Variants in GRIK1 observed in about 807,000 individuals in gnomAD.
GRIK1 encodes the protein glutamate receptor ionotropic, kainate 1.
In GRIK1, 69 loss-of-function variants were observed where a neutral mutation model predicts 105.7. The ratio of observed to expected loss-of-function variants is 0.65; its 90% confidence interval spans 0.54 to 0.80. The LOEUF is 0.80. Ranked by LOEUF, GRIK1 falls within the 30% of genes least tolerant of loss-of-function variation. The probability of loss-of-function intolerance (pLI) is 0.00; values close to 1 mark genes in which losing one functional copy is unlikely to be tolerated. For missense variants in GRIK1, 1,109 were observed against 1,167.3 expected, an observed-to-expected ratio of 0.95 and a Z score of 0.73; for synonymous variants, 438 against 431.3, an observed-to-expected ratio of 1.02 and a Z score of -0.19.
intron 3 of GRIK1, among the ~76,000 whole-genome samples, chr21:29,680,268 C>A (rs2063345529): frequency 1.3e-5 from 2 of 152,174 alleles, no homozygotes; most frequent in Non-Finnish European, 2.9e-5. Context: ...AATGTCACCA[C>A]ACAAATGGAG....
At chr21:29,611,722 TGAG>T (rs758006876) in intron 7 of GRIK1, among the ~76,000 whole-genome samples, 1 of 152,194 alleles carries the variant, frequency 6.6e-6, no homozygotes, top group Non-Finnish European at 1.5e-5. Context: ...TTTCCATCAA[TGAG>T]ATGATGTGAA....
At chr21:29,801,006 A>G (rs1345502455) in intron 1 of GRIK1, among the ~76,000 whole-genome samples, 2 of 152,152 alleles carry the variant, frequency 1.3e-5, no homozygotes, top group Non-Finnish European at 2.9e-5. Context: ...TGAAAATAAT[A>G]TTACAAGAGA....
intron 1 of GRIK1, among the ~76,000 whole-genome samples, chr21:29,814,126 T>G (rs908881422): frequency 1.3e-5 from 2 of 148,890 alleles, no homozygotes; most frequent in Admixed American, 1.3e-4. Context: ...TATTATTTTT[T>G]TTTTTGCTGA....
At chr21:29,697,062 T>C (rs1160621140) in intron 1 of GRIK1, among the ~76,000 whole-genome samples, 1 of 152,208 alleles carries the variant, frequency 6.6e-6, no homozygotes, top group Non-Finnish European at 1.5e-5. Flanking sequence ...TTATTCAAAA[T>C]CACAGTCTTG....
At chr21:29,598,736 A>C (rs2061462223) in intron 8 of GRIK1, 94 bp downstream of exon 8, 2 of 588,470 alleles carry the variant, frequency 3.4e-6, no homozygotes, top group Non-Finnish European at 3.0e-6. Context: ...TTAGAGAATC[A>C]CTTCATCATT....
chr21:29,836,869 AAAG>A (rs1195423532), intron 1 of GRIK1, among the ~76,000 whole-genome samples: 3 of 152,180 alleles, frequency 2.0e-5, no homozygotes, highest in African/African-American at 7.2e-5. Flanking sequence ...GGCTGAGAGG[AAAG>A]AAGAAGCCAC....
At chr21:29,778,410 G>T (rs910697890) in intron 1 of GRIK1, among the ~76,000 whole-genome samples, 1 of 152,158 alleles carries the variant, frequency 6.6e-6, no homozygotes, top group African/African-American at 2.4e-5. Context: ...AGATTCTAGC[G>T]CAGTTCCTTG....
chr21:29,937,434 T>C (rs2832495), intron 1 of GRIK1, among the ~76,000 whole-genome samples: 104,435 of 152,114 alleles, frequency 0.69, 36,044 homozygotes, highest in East Asian at 0.83. Context: ...ATTATCTTGT[T>C]GCATATATTT....
At chr21:29,864,125 G>A (rs1246777384) in intron 1 of GRIK1, among the ~76,000 whole-genome samples, 4 of 151,542 alleles carry the variant, frequency 2.6e-5, no homozygotes, top group African/African-American at 9.7e-5. Context: ...AAGACAAGAT[G>A]CCTTGGAGGT....
intron 1 of GRIK1, among the ~76,000 whole-genome samples, chr21:29,777,038 C>T (rs2065964037): frequency 6.6e-6 from 1 of 152,060 alleles, no homozygotes; most frequent in Admixed American, 6.6e-5. Flanking sequence ...AGATCTCATC[C>T]CTGACTGTAC....
chr21:29,813,663 A>G (rs913839473), intron 1 of GRIK1, among the ~76,000 whole-genome samples: 2 of 152,182 alleles, frequency 1.3e-5, no homozygotes, highest in African/African-American at 4.8e-5. Flanking sequence ...GACATTCAAT[A>G]TAGTTTACAT....
intron 1 of GRIK1, among the ~76,000 whole-genome samples, chr21:29,808,304 T>G (rs1419695332): frequency 6.6e-6 from 1 of 152,138 alleles, no homozygotes; most frequent in Non-Finnish European, 1.5e-5. Flanking sequence ...TCCAGTGATC[T>G]GCTCCAACAC....
intron 1 of GRIK1, among the ~76,000 whole-genome samples, chr21:29,782,321 T>G (rs189143220): frequency 6.6e-6 from 1 of 152,072 alleles, no homozygotes; most frequent in Admixed American, 6.5e-5. Context: ...CTCCTGACCT[T>G]GTGATCTGCC....
intron 1 of GRIK1, among the ~76,000 whole-genome samples, chr21:29,888,188 T>C (rs28421409): frequency 1.4e-4 from 2 of 14,228 alleles, no homozygotes; most frequent in Non-Finnish European, 2.9e-4. Flanking sequence ...TTTCTTCCTT[T>C]CTTTCTTTCT....
chr21:29,682,685 G>GA (rs1290341534), intron 3 of GRIK1, among the ~76,000 whole-genome samples: 1 of 152,136 alleles, frequency 6.6e-6, no homozygotes, highest in African/African-American at 2.4e-5. Context: ...AATTTTGGAA[G>GA]AAAACCTAAG....
intron 1 of GRIK1, among the ~76,000 whole-genome samples, chr21:29,883,774 T>C (rs2069510839): frequency 6.6e-6 from 1 of 152,026 alleles, no homozygotes; most frequent in Non-Finnish European, 1.5e-5. Context: ...ACTTTCTTTT[T>C]TTTCTCATTG....
At chr21:29,776,088 C>G (rs1334106761) in intron 1 of GRIK1, among the ~76,000 whole-genome samples, 1 of 152,116 alleles carries the variant, frequency 6.6e-6, no homozygotes. Context: ...CTTTTAAAAC[C>G]ACCAGATATT....
At chr21:29,908,641 G>C (rs530796233) in intron 1 of GRIK1, among the ~76,000 whole-genome samples, 3 of 152,280 alleles carry the variant, frequency 2.0e-5, no homozygotes, top group Admixed American at 6.5e-5. Flanking sequence ...TGTATTTCAT[G>C]ATGTCTGGTC....
intron 3 of GRIK1, among the ~76,000 whole-genome samples, chr21:29,677,374 C>T (rs549344730): frequency 4.6e-5 from 7 of 152,270 alleles, no homozygotes; most frequent in African/African-American, 1.2e-4. Flanking sequence ...GTTGAATAAA[C>T]GCTTTACAGA....
Sources: allele counts gnomAD v4.1 joint callset (sites outside exome capture counted in the v4.1 genomes callset), GRCh38; gene constraint gnomAD v4.1.1; transcripts MANE v1.5; gene names NCBI Gene and HGNC (gene_info 2026-07-23, HGNC 2026-07-21).